Variants in GPAM observed in about 807,000 individuals in gnomAD.
The protein encoded by GPAM is glycerol-3-phosphate acyltransferase, mitochondrial.
A neutral mutation model predicts 105.0 loss-of-function variants in GPAM; 56 were observed. The ratio of observed to expected loss-of-function variants is 0.53; its 90% CI spans 0.43 to 0.67. The LOEUF (loss-of-function observed/expected upper bound fraction) is 0.67. GPAM is among the 30% of genes least tolerant of loss of function. The pLI is 0.00. For missense variants in GPAM, 855 were observed against 989.8 expected (o/e 0.86, Z 1.83); for synonymous variants, 368 against 354.4 (o/e 1.04, Z -0.43).
intron 7 of GPAM, 149 bp from the exon 8 acceptor site, chr10:112,173,215 T>C: frequency 1.5e-6 from 1 of 680,026 alleles, no homozygotes; most frequent in Admixed American, 2.2e-5. Flanking sequence ...TGCACATGCA[T>C]GCACGTATGT....
At chr10:112,170,959 C>T (rs1301418250) in intron 9 of GPAM, among the ~76,000 whole-genome samples, 1 of 152,176 alleles carries the variant, frequency 6.6e-6, no homozygotes, top group Non-Finnish European at 1.5e-5. Flanking sequence ...TAAGAAGGAG[C>T]TCCTTAGACT....
At position 112,181,667 on chromosome 10, in the gene GPAM, C is replaced by G. The variant is rs531019132; in HGVS notation, c.102+16G>C. ...ATTTTTAGGCTGAGTGCTTTTAACTCTTATCCTAAACTTACCCATTCCTCA... is the reference window on the plus strand; with the variant it reads ...ATTTTTAGGCTGAGTGCTTTTAACTGTTATCCTAAACTTACCCATTCCTCA... On this transcript the variant is annotated intron_variant, in intron 3 of 21. Coordinates refer to ENST00000348367, the MANE Select transcript of GPAM (RefSeq NM_001244949.2). The G allele has an allele frequency of 1.4e-6, 2 of 1,422,742 alleles. No homozygotes were observed. The highest frequency in any genetic ancestry group is 2.3e-5 in the East Asian group (1 of 43,942). 88.1% of individuals were successfully genotyped at this position (1,422,742 alleles called of 1,614,324 possible).
In GPAM at chr10:112,154,645, A is replaced by G. The variant is rs1471579082; in HGVS notation, c.2354T>C (p.Met785Thr). 3 of 1,607,954 alleles carry G rather than the reference A, an allele frequency of 1.9e-6. No homozygotes were observed. The highest frequency in any genetic ancestry group is 1.1e-5 in the South Asian group (1 of 90,942). ...GACACCTACCCCAATATCCTTAAAC[A>G]TTTTCACAGCATTCTTCACAAGACA... The part of the protein sequence containing the change: ...TYCLVKNAVK[M>T]FKDIGVFKET... The change falls in exon 21 of 22, where the codon ATG becomes ACG. Residue 785 changes from methionine (M) to threonine (T), a missense_variant. Transcript: ENST00000348367.
At chr10:112,200,512 G>A (rs941618486) in intron 1 of GPAM, among the ~76,000 whole-genome samples, 4 of 151,718 alleles carry the variant, frequency 2.6e-5, no homozygotes, top group Non-Finnish European at 2.9e-5. Context: ...GGCTGGTCTC[G>A]AACTCCTGGG....
chr10:112,204,254 CTTTTT>C (rs59433956), intron 1 of GPAM, among the ~76,000 whole-genome samples: 3 of 132,490 alleles, frequency 2.3e-5, no homozygotes, highest in East Asian at 2.2e-4. Flanking sequence ...TTTCTTTGTT[CTTTTT>C]TTTTTTTTTT....
chr10:112,193,036 C>G (rs1847680545), intron 1 of GPAM, among the ~76,000 whole-genome samples: 1 of 152,228 alleles, frequency 6.6e-6, no homozygotes, highest in African/African-American at 2.4e-5. Context: ...GAGGCATTTT[C>G]TCAAATAATC....
At chr10:112,189,554 T>C (rs1019324624) in intron 1 of GPAM, among the ~76,000 whole-genome samples, 2 of 152,194 alleles carry the variant, frequency 1.3e-5, no homozygotes, top group African/African-American at 4.8e-5. Flanking sequence ...TTCAGGGTGA[T>C]CTCTTGCCTA....
At position 112,173,751 on chromosome 10, in the gene GPAM, C is replaced by T. The variant is rs1847354204; in HGVS notation, c.508G>A (p.Ala170Thr). 1 of 1,613,770 alleles carries T rather than the reference C, an allele frequency of 6.2e-7. No individual in the cohort carries two copies. Among genetic ancestry groups the T allele is most frequent in the Non-Finnish European group, 8.5e-7 (1 of 1,179,700 alleles). The change falls in exon 7 of 22, where the codon GCT becomes ACT. Residue 170 changes from alanine to threonine, a missense_variant. Transcript: ENST00000348367. ...SKAVNKVKKK[A>T]KRILQEMVAT... ...ACCATTTCTTGAAGAATCCTTTTAG[C>T]TTTCTTTTTCACTTTGTTAACGGCT...
chr10:112,220,041 T>C (rs111573790), upstream of GPAM, among the ~76,000 whole-genome samples: 917 of 152,340 alleles, frequency 6.0e-3, 5 homozygotes, highest in African/African-American at 0.021. Context: ...AACATTGCTC[T>C]TGTAGAACCT....
At chr10:112,179,486 G>C (rs1847467567) in intron 4 of GPAM, among the ~76,000 whole-genome samples, 1 of 152,182 alleles carries the variant, frequency 6.6e-6, no homozygotes. Flanking sequence ...CCAAATTCTT[G>C]CAACAAGGTA....
chr10:112,168,214 C>T, intron 11 of GPAM, 98 bp downstream of exon 11: 1 of 759,330 alleles, frequency 1.3e-6, no homozygotes, highest in Non-Finnish European at 2.4e-6. Flanking sequence ...ATAGGGAGTA[C>T]CAAAAAAAAT....
chr10:112,165,167 T>TA (rs769166034), intron 12 of GPAM, among the ~76,000 whole-genome samples: 1 of 152,200 alleles, frequency 6.6e-6, no homozygotes, highest in African/African-American at 2.4e-5. Context: ...GGAAGTAGAA[T>TA]AAAAGGAGAG....
chr10:112,159,216 CTTTTTTTTTTTT>C (rs35513817), intron 17 of GPAM, among the ~76,000 whole-genome samples: 1 of 86,984 alleles, frequency 1.1e-5, no homozygotes. Flanking sequence ...AGATGATTTT[CTTTTTTTTTTTT>C]TTTTTTTTTT....
intron 10 of GPAM, 40 bp downstream of exon 10, chr10:112,168,813 C>T (rs770008932): frequency 4.8e-6 from 6 of 1,260,512 alleles, no homozygotes; most frequent in Non-Finnish European, 4.7e-6. Context: ...CTGTGATAAC[C>T]AACACAATGT....
At chr10:112,188,011 A>G (rs780997147), upstream of GPAM, among the ~76,000 whole-genome samples, 3 of 152,206 alleles carry the variant, frequency 2.0e-5, no homozygotes, top group Admixed American at 2.0e-4. Context: ...AAAACACAAT[A>G]TATCATACTT....
chr10:112,199,962 A>G (rs942766475), intron 1 of GPAM, among the ~76,000 whole-genome samples: 2 of 151,984 alleles, frequency 1.3e-5, no homozygotes, highest in African/African-American at 2.4e-5. Flanking sequence ...ATAAGTATAC[A>G]TATCAAAACA....
chr10:112,172,562 A>T (rs1564679922), intron 8 of GPAM, among the ~76,000 whole-genome samples: 1 of 152,176 alleles, frequency 6.6e-6, no homozygotes, highest in Non-Finnish European at 1.5e-5. Flanking sequence ...GTTGACCTAT[A>T]CCCTTTCTGA....
chr10:112,163,475 C>G (rs1847159457), intron 14 of GPAM, among the ~76,000 whole-genome samples: 1 of 152,190 alleles, frequency 6.6e-6, no homozygotes, highest in Non-Finnish European at 1.5e-5. Context: ...AAAAGTACAA[C>G]AACTACCACA....
At chr10:112,172,862 A>T (rs1187538099) in intron 8 of GPAM, 108 bp downstream of exon 8, 19 of 747,158 alleles carry the variant, frequency 2.5e-5, no homozygotes, top group Non-Finnish European at 4.2e-5. Context: ...AAATCTTCCA[A>T]ATGGGTTGAA....
Sources: allele counts gnomAD v4.1 joint callset (sites outside exome capture counted in the v4.1 genomes callset), GRCh38; gene constraint gnomAD v4.1.1; transcripts MANE v1.5; gene names NCBI Gene and HGNC (gene_info 2026-07-23, HGNC 2026-07-21).